The following ASH1L variants were observed in gnomAD, a reference collection of about 807,000 sequenced individuals.
ASH1L encodes the protein ASH1 like histone lysine methyltransferase.
ASH1L carries 23 observed loss-of-function variants against 269.0 expected under a neutral mutation model. That is an observed-to-expected ratio of 0.09 (90% confidence interval 0.06 to 0.12). ASH1L has a LOEUF of 0.12. ASH1L is among the 10% of genes least tolerant of loss of function. The probability of loss-of-function intolerance (pLI) is 1.00; values close to 1 mark genes in which losing one functional copy is unlikely to be tolerated. For synonymous variants in ASH1L, 1,187 were observed against 1,253.5 expected (o/e 0.95, Z 1.12); for missense variants, 2,912 against 3,567.8 (o/e 0.82, Z 4.68).
chr1:155,466,105 A>T (rs1332174159), intron 3 of ASH1L, among the ~76,000 whole-genome samples: 1 of 152,212 alleles, frequency 6.6e-6, no homozygotes, highest in Non-Finnish European at 1.5e-5. Flanking sequence ...CTGTAATCCC[A>T]GCACTTTGGA....
At chr1:155,361,501 A>G (rs1654934761) in intron 12 of ASH1L, among the ~76,000 whole-genome samples, 2 of 120,034 alleles carry the variant, frequency 1.7e-5, no homozygotes, top group African/African-American at 6.4e-5. Context: ...TGGGTGACAG[A>G]GTGAGACTCC....
intron 5 of ASH1L, among the ~76,000 whole-genome samples, chr1:155,431,766 TAAAC>T (rs749881675): frequency 6.6e-5 from 10 of 151,860 alleles, no homozygotes; most frequent in African/African-American, 1.9e-4. Flanking sequence ...CTGTCTAAAA[TAAAC>T]AAACAAACAA....
At chr1:155,338,422 A>T (rs749636514) in intron 26 of ASH1L, 32 bp from the exon 27 acceptor site, 1 of 1,589,154 alleles carries the variant, frequency 6.3e-7, no homozygotes, top group African/African-American at 1.4e-5. Flanking sequence ...TTAGTGTAAG[A>T]CACTTGAGGA....
At chr1:155,486,118 TC>T (rs1428754421) in intron 2 of ASH1L, among the ~76,000 whole-genome samples, 1 of 152,204 alleles carries the variant, frequency 6.6e-6, no homozygotes, top group Non-Finnish European at 1.5e-5. Context: ...ATATTTAACT[TC>T]CTGACTCAAC....
chr1:155,545,835 A>G (rs1411091851), intron 1 of ASH1L, among the ~76,000 whole-genome samples: 2 of 152,094 alleles, frequency 1.3e-5, no homozygotes, highest in African/African-American at 4.8e-5. Flanking sequence ...AGCCTGGCCA[A>G]CGTAGTGAAA....
At position 155,438,513 on chromosome 1, in the gene ASH1L, T is replaced by C; in HGVS notation, c.5642A>G (p.Glu1881Gly). 6.2e-7 allele frequency: 1 copy of C among 1,613,234 alleles called. No individual in the cohort carries two copies. The highest frequency in any genetic ancestry group is 8.5e-7 in the Non-Finnish European group (1 of 1,179,678). ...QFVNPELNRD[E>G]EGAALHLSPD... Reference sequence around the variant, plus strand: ...ACTGAGGTGCAGTGCTGCTCCTTCCTCGTCTCTGTTCAATTCTGGGTTGAC... The same window carrying C: ...ACTGAGGTGCAGTGCTGCTCCTTCCCCGTCTCTGTTCAATTCTGGGTTGAC... The change falls in exon 5 of 28, where the codon GAG becomes GGG. Residue 1881 changes from glutamate (E) to glycine (G), a missense_variant. Coordinates refer to ENST00000392403, the MANE Select transcript of ASH1L (RefSeq NM_018489.3).
At chr1:155,490,271 A>T (rs1570967333) in intron 2 of ASH1L, among the ~76,000 whole-genome samples, 1 of 151,868 alleles carries the variant, frequency 6.6e-6, no homozygotes, top group African/African-American at 2.4e-5. Flanking sequence ...GCCAAAAAAG[A>T]CTTTTTATTT....
At chr1:155,484,940 A>C (rs1251671839) in intron 2 of ASH1L, among the ~76,000 whole-genome samples, 9 of 133,768 alleles carry the variant, frequency 6.7e-5, no homozygotes, top group African/African-American at 8.9e-5. Context: ...AAAAAAAAAA[A>C]AAACAAAAAC....
chr1:155,411,586 A>ATATATATATATATATATATAC (rs1558075618), intron 6 of ASH1L, among the ~76,000 whole-genome samples: 1 of 55,192 alleles, frequency 1.8e-5, no homozygotes, highest in African/African-American at 7.9e-5. Flanking sequence ...TAAATAAATA[A>ATATATATATATATATATATAC]ATATATATAT....
intron 10 of ASH1L, among the ~76,000 whole-genome samples, chr1:155,377,305 G>A (rs1189525474): frequency 6.6e-6 from 1 of 152,104 alleles, no homozygotes. Flanking sequence ...ATATGCCGAT[G>A]GTTTATCAAC....
Position 155,479,009 on chromosome 1 carries a change from A to G in ASH1L, c.3861T>C (p.Phe1287=), listed in dbSNP as rs141723069. The change falls in exon 3 of 28, where the codon TTT becomes TTC. Residue 1287 remains phenylalanine (F), a synonymous_variant. Coordinates refer to ENST00000392403, the MANE Select transcript of ASH1L (RefSeq NM_018489.3). ...TTATTAGTTCCTCCAGCTCTGCAAT[A>G]AAGTCTGGATCCTGTCTATTTCGAA... ...PQLRNRQDPD[F]IAELEELISR... is the part of the protein sequence containing the mutation. 8.1e-6 allele frequency: 13 copies of G among 1,613,602 alleles called. No homozygotes were observed. The Middle Eastern group carries it at 8.2e-4, about 102-fold the overall frequency.
intron 2 of ASH1L, among the ~76,000 whole-genome samples, chr1:155,489,344 C>T (rs184188851): frequency 4.0e-5 from 6 of 151,706 alleles, no homozygotes; most frequent in South Asian, 2.1e-4. Context: ...TGTGGTGGTG[C>T]GCACCTGTAA....
At chr1:155,546,073 G>A (rs538766813) in intron 1 of ASH1L, among the ~76,000 whole-genome samples, 45 of 150,398 alleles carry the variant, frequency 3.0e-4, no homozygotes, top group Non-Finnish European at 6.2e-4. Context: ...CAGGAGAATC[G>A]CTTGAGCCTG....
chr1:155,492,584 G>C (rs1558163367), intron 2 of ASH1L, among the ~76,000 whole-genome samples: 1 of 151,954 alleles, frequency 6.6e-6, no homozygotes, highest in Non-Finnish European at 1.5e-5. Flanking sequence ...TATAATTAAT[G>C]TAATGTAATA....
At chr1:155,388,542 T>C (rs1408564647) in intron 7 of ASH1L, among the ~76,000 whole-genome samples, 1 of 152,088 alleles carries the variant, frequency 6.6e-6, no homozygotes, top group Non-Finnish European at 1.5e-5. Context: ...GCTCAAGCAA[T>C]CCAACAGCCT....
At chr1:155,499,417 T>C (rs2148790176) in intron 2 of ASH1L, among the ~76,000 whole-genome samples, 1 of 152,304 alleles carries the variant, frequency 6.6e-6, no homozygotes, top group Non-Finnish European at 1.5e-5. Flanking sequence ...CCTATCCCCA[T>C]CTAACTAGTT....
At chr1:155,364,783 T>C (rs1655255360) in intron 12 of ASH1L, among the ~76,000 whole-genome samples, 1 of 151,488 alleles carries the variant, frequency 6.6e-6, no homozygotes. Context: ...CTACAAAAAA[T>C]ACAAAAAAAT....
chr1:155,371,243 A>G (rs140128877), intron 10 of ASH1L, among the ~76,000 whole-genome samples: 1 of 152,334 alleles, frequency 6.6e-6, no homozygotes, highest in East Asian at 1.9e-4. Context: ...AAACATTATC[A>G]TATTTATCTA....
chr1:155,355,808 T>C (rs1157748340), intron 15 of ASH1L, among the ~76,000 whole-genome samples: 1 of 152,174 alleles, frequency 6.6e-6, no homozygotes, highest in African/African-American at 2.4e-5. Flanking sequence ...TACTCACTTG[T>C]TTGCTTCTGA....
Sources: allele counts gnomAD v4.1 joint callset (sites outside exome capture counted in the v4.1 genomes callset), GRCh38; gene constraint gnomAD v4.1.1; transcripts MANE v1.5; gene names NCBI Gene and HGNC (gene_info 2026-07-23, HGNC 2026-07-21).